The following SYT12 variants were observed in gnomAD, a reference collection of about 807,000 sequenced individuals.
SYT12 encodes the protein synaptotagmin 12.
SYT12 carries 27 observed loss-of-function variants against 39.5 expected under a neutral mutation model. The observed-to-expected ratio is 0.68, with a 90% confidence interval of 0.50 to 0.94. The LOEUF (loss-of-function observed/expected upper bound fraction) is 0.94, where lower values mean the gene tolerates loss of function less well. Among genes scored for constraint, SYT12 ranks in the 40% least tolerant of loss-of-function variants. The pLI, the probability that SYT12 is intolerant of heterozygous loss-of-function variation, is 0.00. For synonymous variants in SYT12, 233 were observed against 239.7 expected (o/e 0.97, Z 0.26); for missense variants, 536 against 572.6 (o/e 0.94, Z 0.65).
chr11:67,034,546 T>C, intron 2 of SYT12, 99 bp from the exon 3 acceptor site: 1 of 1,054,838 alleles, frequency 9.5e-7, no homozygotes, highest in Non-Finnish European at 1.3e-6. Flanking sequence ...TAGTAGGCAT[T>C]CAATAAATAT....
At chr11:67,013,082 G>A (rs1259104777) in intron 3 of SYT12, among the ~76,000 whole-genome samples, 2 of 152,226 alleles carry the variant, frequency 1.3e-5, no homozygotes, top group East Asian at 1.9e-4. Context: ...GTGGGTATAA[G>A]TGGCTTGAGC....
chr11:67,015,293 G>A (rs921681655), intron 3 of SYT12, among the ~76,000 whole-genome samples: 14 of 152,360 alleles, frequency 9.2e-5, no homozygotes, highest in Admixed American at 7.8e-4. Flanking sequence ...GGCCAATGCT[G>A]GGAGAGCAAG....
At chr11:67,022,023 C>G (rs1420395963), upstream of SYT12, 1 of 150,944 alleles carries the variant, frequency 6.6e-6, no homozygotes, top group East Asian at 2.0e-4. Context: ...ACGCCATTCT[C>G]TTGCCTCAGC....
chr11:67,045,668 G>A (rs527535622), intron 6 of SYT12, 76 bp from the exon 7 acceptor site: 104 of 1,570,738 alleles, frequency 6.6e-5, no homozygotes, highest in South Asian at 1.3e-4. Flanking sequence ...GTTTGGAGTC[G>A]GTGGGTGGAG....
chr11:67,048,866 C>T lies in SYT12; in HGVS notation c.*109C>T. ...GCTGGAGCCGTGAACACTGGGGTCC[C>T]CTGGCAGAGTCCTCATGACCCATCC... On this transcript the variant is annotated 3_prime_UTR_variant, in exon 8 of 8. Coordinates refer to ENST00000527043, the MANE Select transcript of SYT12 (RefSeq NM_177963.4). 3 of 1,286,408 alleles carry T rather than the reference C, an allele frequency of 2.3e-6. No individual in the cohort carries two copies. The highest frequency in any genetic ancestry group is 2.1e-6 in the Non-Finnish European group (2 of 940,716). The allele number at this position is 1,286,408 out of a possible 1,614,324, so 79.7% of individuals were successfully genotyped here.
intron 1 of SYT12, among the ~76,000 whole-genome samples, chr11:67,009,536 C>T (rs1949996581): frequency 2.0e-5 from 3 of 152,194 alleles, no homozygotes; most frequent in African/African-American, 7.2e-5. Flanking sequence ...AAGTGATCCA[C>T]CCACCACAGC....
chr11:67,007,040 T>C (rs1591345842), exon 1 of SYT12: 1 of 152,214 alleles, frequency 6.6e-6, no homozygotes, highest in Non-Finnish European at 1.5e-5. Context: ...ATGAGTCAGG[T>C]CCTGAAGGAT....
chr11:67,024,501 C>G (rs1042900806), intron 1 of SYT12, among the ~76,000 whole-genome samples: 1 of 152,184 alleles, frequency 6.6e-6, no homozygotes. Flanking sequence ...TGGTGACTGA[C>G]TGACAAATAA....
At position 67,045,831 on chromosome 11, in the gene SYT12, T is replaced by G. The variant is rs1854529389; in HGVS notation, c.1046T>G (p.Val349Gly). The G allele has an allele frequency of 6.2e-7, 1 of 1,613,210 alleles. No homozygotes were observed. The highest frequency in any genetic ancestry group is 8.5e-7 in the Non-Finnish European group (1 of 1,179,754). ...GTGAAGAGGGATGACCCCAACCCGG[T>G]GTTCAACGAAGCCATGATCTTCTCG... ...TAVKRDDPNPVFNEAMIFSVP... is the reference protein window; with the variant it reads ...TAVKRDDPNPGFNEAMIFSVP... Residue 349 changes from valine (V) to glycine (G), a missense_variant, in exon 7 of 8, where the codon GTG (valine) becomes GGG (glycine). Coordinates refer to ENST00000527043, the MANE Select transcript of SYT12 (RefSeq NM_177963.4).
chr11:67,022,849 G>C (rs1025602408), upstream of SYT12: 1 of 152,272 alleles, frequency 6.6e-6, no homozygotes, highest in African/African-American at 2.4e-5. Flanking sequence ...TTCAGAAAAG[G>C]GGAAACTTTC....
At chr11:67,018,366 G>C (rs1406942236), upstream of SYT12, among the ~76,000 whole-genome samples, 1 of 147,068 alleles carries the variant, frequency 6.8e-6, no homozygotes, top group Non-Finnish European at 1.5e-5. Context: ...AAAAGAAAAA[G>C]AAAAAAAAAA....
intron 2 of SYT12, among the ~76,000 whole-genome samples, chr11:67,033,298 T>C (rs989098507): frequency 1.4e-4 from 21 of 152,188 alleles, no homozygotes; most frequent in Non-Finnish European, 2.6e-4. Flanking sequence ...GAGGCCTTCC[T>C]GGGCTGCTCC....
intron 3 of SYT12, 108 bp from the exon 4 acceptor site, chr11:67,039,703 A>T: frequency 7.4e-7 from 1 of 1,357,588 alleles, no homozygotes; most frequent in Non-Finnish European, 9.9e-7. Flanking sequence ...GTGAAAGGGG[A>T]ACTTGGAGAT....
chr11:67,009,692 A>G (rs1469785678), intron 1 of SYT12, among the ~76,000 whole-genome samples: 1 of 151,492 alleles, frequency 6.6e-6, no homozygotes, highest in East Asian at 1.9e-4. Context: ...AGTTCCCAGC[A>G]TCTAGTAGGA....
chr11:67,013,593 G>A (rs549281289), intron 3 of SYT12, among the ~76,000 whole-genome samples: 1 of 152,098 alleles, frequency 6.6e-6, no homozygotes, highest in Admixed American at 6.5e-5. Context: ...CCCCTCCCTG[G>A]GCCAGGATCC....
chr11:67,038,323 C>T (rs11227662), intron 3 of SYT12, among the ~76,000 whole-genome samples: 9,369 of 151,926 alleles, frequency 0.062, 885 homozygotes, highest in African/African-American at 0.21. Flanking sequence ...CATGCCGCCA[C>T]ACCCGGCTAA....
intron 1 of SYT12, among the ~76,000 whole-genome samples, chr11:67,008,797 C>T (rs1162042321): frequency 6.6e-6 from 1 of 152,202 alleles, no homozygotes; most frequent in Admixed American, 6.6e-5. Flanking sequence ...CTGCCTCAGC[C>T]TCTCAAAGTG....
At chr11:67,019,472 CAAAA>C (rs761020239), upstream of SYT12, among the ~76,000 whole-genome samples, 1 of 122,866 alleles carries the variant, frequency 8.1e-6, no homozygotes. Flanking sequence ...AACTCCACCT[CAAAA>C]AAAAAAAAAA....
At position 67,040,191 on chromosome 11, in the gene SYT12, G is replaced by A; in HGVS notation, c.609G>A (p.Val203=). The change falls in exon 4 of 8, where the codon GTG becomes GTA. Residue 203 remains valine, a synonymous_variant. Transcript: ENST00000527043. ...RVSLLPDEQI[V]GISRIQRNAY... Reference sequence around the variant, plus strand: ...GCCTGCTGCCGGACGAGCAGATCGTGGGCATTTCTCGGGTAAGTGGGGCTC... The same window carrying A: ...GCCTGCTGCCGGACGAGCAGATCGTAGGCATTTCTCGGGTAAGTGGGGCTC... 6.3e-7 allele frequency: 1 copy of A among 1,576,204 alleles called. No homozygotes were observed. Among genetic ancestry groups the A allele is most frequent in the Non-Finnish European group, 8.6e-7 (1 of 1,157,692 alleles).
Sources: allele counts gnomAD v4.1 joint callset (sites outside exome capture counted in the v4.1 genomes callset), GRCh38; gene constraint gnomAD v4.1.1; transcripts MANE v1.5; gene names NCBI Gene and HGNC (gene_info 2026-07-23, HGNC 2026-07-21).